KYNU: variants seen among roughly 807,000 people sequenced by gnomAD.
KYNU encodes the protein kynureninase.
KYNU carries 54 observed loss-of-function variants against 59.2 expected under a neutral mutation model. The observed-to-expected ratio is 0.91, with a 90% confidence interval of 0.73 to 1.14. KYNU has a LOEUF of 1.14. Among genes scored for constraint, KYNU ranks in the 50% most tolerant of loss-of-function variants. The pLI, the probability that KYNU is intolerant of heterozygous loss-of-function variation, is 0.00. For synonymous variants in KYNU, 177 were observed against 192.0 expected, an observed-to-expected ratio of 0.92 and a Z score of 0.65; for missense variants, 567 against 554.4, an observed-to-expected ratio of 1.02 and a Z score of -0.23.
At chr2:142,930,135 A>G (rs1259530777) in intron 4 of KYNU, among the ~76,000 whole-genome samples, 1 of 152,182 alleles carries the variant, frequency 6.6e-6, no homozygotes, top group Non-Finnish European at 1.5e-5. Context: ...CTTGTCATAT[A>G]GGATAAAATA....
At chr2:142,999,007 C>CAAAAAA (rs59742828) in intron 10 of KYNU, among the ~76,000 whole-genome samples, 8 of 63,474 alleles carry the variant, frequency 1.3e-4, no homozygotes, top group Admixed American at 1.8e-4. Flanking sequence ...GACTCCGTCT[C>CAAAAAA]AAAAAAAAAA....
intron 8 of KYNU, among the ~76,000 whole-genome samples, chr2:142,970,042 A>G (rs952800168): frequency 2.6e-5 from 4 of 152,214 alleles, no homozygotes; most frequent in Admixed American, 2.6e-4. Flanking sequence ...AAGGAAGGCT[A>G]TGTCTCATGG....
chr2:142,881,733 A>G (rs1681302618), intron 1 of KYNU, among the ~76,000 whole-genome samples: 2 of 152,070 alleles, frequency 1.3e-5, no homozygotes, highest in South Asian at 4.1e-4. Flanking sequence ...CTTATTTGAA[A>G]CTTAATATAT....
chr2:142,955,319 A>G (rs748322393), intron 5 of KYNU, among the ~76,000 whole-genome samples: 1 of 152,118 alleles, frequency 6.6e-6, no homozygotes, highest in Non-Finnish European at 1.5e-5. Flanking sequence ...AGTACCTTAA[A>G]TGAGTTAATG....
At chr2:142,994,378 C>G (rs546282621) in intron 10 of KYNU, among the ~76,000 whole-genome samples, 1 of 152,162 alleles carries the variant, frequency 6.6e-6, no homozygotes, top group South Asian at 2.1e-4. Context: ...TCCATATTCT[C>G]CATGTTCACC....
chr2:143,039,452 G>T (rs1164037570), intron 12 of KYNU, among the ~76,000 whole-genome samples: 1 of 152,094 alleles, frequency 6.6e-6, no homozygotes. Context: ...AGCTTACATT[G>T]TATGATATTT....
At chr2:142,918,827 C>A in intron 3 of KYNU, 98 bp downstream of exon 3, 2 of 1,327,120 alleles carry the variant, frequency 1.5e-6, no homozygotes. Flanking sequence ...GTAATAGAAT[C>A]CTAGTACAGT....
At chr2:142,954,739 T>C (rs1170973368) in intron 4 of KYNU, 71 bp from the exon 5 acceptor site, 1 of 959,430 alleles carries the variant, frequency 1.0e-6, no homozygotes, top group African/African-American at 1.6e-5. Flanking sequence ...GAGTGAAGTC[T>C]TCCTACTTTG....
At chr2:143,039,528 A>G (rs746180475) in intron 12 of KYNU, among the ~76,000 whole-genome samples, 4 of 152,086 alleles carry the variant, frequency 2.6e-5, no homozygotes, top group Non-Finnish European at 5.9e-5. Context: ...TTTTGAAGGT[A>G]TGTTCCCGGA....
rs1369125184 is a variant in KYNU, at chr2:143,051,681, G to A, written c.*9509G>A. On this transcript the variant is annotated 3_prime_UTR_variant, in exon 14 of 14. Coordinates refer to ENST00000264170, the MANE Select transcript of KYNU (RefSeq NM_003937.3). The stretch of plus-strand genomic sequence containing the variant: ...GTTTCCCTGCAAAGGCTCTTGTCCT[G>A]TCTGTGCCATTTGAGACATGCCTTT... 1 of 152,058 alleles carries A rather than the reference G, an allele frequency of 6.6e-6. No individual in the cohort carries two copies. The highest frequency in any genetic ancestry group is 1.5e-5 in the Non-Finnish European group (1 of 68,022). 9.4% of individuals were successfully genotyped at this position (152,058 alleles called of 1,614,324 possible).
intron 1 of KYNU, 143 bp from the exon 2 acceptor site, chr2:142,885,206 G>A (rs2104906870): frequency 1.5e-6 from 1 of 678,646 alleles, no homozygotes; most frequent in East Asian, 2.7e-5. Context: ...CATGCATGGA[G>A]TTTAATGCTG....
chr2:142,883,517 C>T (rs746590996), intron 1 of KYNU, among the ~76,000 whole-genome samples: 1 of 151,990 alleles, frequency 6.6e-6, no homozygotes, highest in Non-Finnish European at 1.5e-5. Context: ...TTTATGACTA[C>T]CTTCTGCCTT....
intron 10 of KYNU, chr2:142,989,537 A>T (rs565456213): frequency 2.1e-6 from 2 of 971,124 alleles, no homozygotes; most frequent in African/African-American, 3.5e-5. Flanking sequence ...TATCGAAATA[A>T]CATTTCTTCT....
chr2:142,988,148 GA>G lies in KYNU; in HGVS notation c.902+2137del, dbSNP rs894881301. ...GTGATCAATAGGTATGGGGTTATATGAAAAAAAAAATCCAAAATTTACAATA... is the reference window on the plus strand; with the variant it reads ...GTGATCAATAGGTATGGGGTTATATGAAAAAAAAATCCAAAATTTACAATA... On this transcript the variant is annotated intron_variant, in intron 10 of 13. Coordinates refer to ENST00000264170, the MANE Select transcript of KYNU (RefSeq NM_003937.3). 3.2e-3 allele frequency among the ~76,000 whole-genome samples: 473 copies of G among 149,610 alleles called. 6 individuals are homozygous for G. Among genetic ancestry groups the G allele is most frequent in the African/African-American group, 0.011 (441 of 40,874 alleles).
rs1326573651 is a variant in KYNU at position 142,937,502 on chromosome 2, A to T, written c.373+9761A>T. On this transcript the variant is annotated intron_variant, in intron 4 of 13. Coordinates refer to ENST00000264170, the MANE Select transcript of KYNU (RefSeq NM_003937.3). ...GAACACACTGTTAAAAAAAAAAATC[A>T]TGAGCCAAACTAAATTTAACGGAGT... 4.0e-5 allele frequency among the ~76,000 whole-genome samples: 6 copies of T among 150,054 alleles called. No individual in the cohort carries two copies. In the East Asian group the frequency reaches 1.2e-3, roughly 29 times the overall value.
At chr2:143,016,595 G>A (rs1686252403) in intron 10 of KYNU, among the ~76,000 whole-genome samples, 3 of 152,132 alleles carry the variant, frequency 2.0e-5, no homozygotes, top group Admixed American at 2.0e-4. Context: ...CACTGATGTA[G>A]TTCAGTTATA....
At chr2:142,985,616 A>T (rs1486386631) in intron 9 of KYNU, among the ~76,000 whole-genome samples, 1 of 151,842 alleles carries the variant, frequency 6.6e-6, no homozygotes, top group Non-Finnish European at 1.5e-5. Flanking sequence ...TTAAAAATAT[A>T]TTTTTATTAT....
intron 10 of KYNU, among the ~76,000 whole-genome samples, chr2:143,010,102 GA>G (rs1273225606): frequency 3.5e-5 from 5 of 143,982 alleles, no homozygotes; most frequent in Non-Finnish European, 7.5e-5. Context: ...ACCCAATTAG[GA>G]AAAGAGGAAG....
At chr2:143,037,861 G>T (rs1686930823) in intron 12 of KYNU, among the ~76,000 whole-genome samples, 1 of 152,088 alleles carries the variant, frequency 6.6e-6, no homozygotes, top group Admixed American at 6.6e-5. Flanking sequence ...GCTCAGAATA[G>T]ACTTTTACCC....
Sources: gnomAD v4.1 joint callset for allele counts (sites outside exome capture counted in the v4.1 genomes callset) on GRCh38, gnomAD v4.1.1 for gene constraint, MANE v1.5 for transcripts, NCBI Gene and HGNC (gene_info 2026-07-23, HGNC 2026-07-21) for gene names.